Variants in HAL observed in about 807,000 individuals in gnomAD.
HAL encodes histidine ammonia-lyase.
HAL carries 85 observed loss-of-function variants against 81.1 expected under a neutral mutation model. The observed-to-expected ratio is 1.05, with a 90% CI of 0.88 to 1.25. HAL has a LOEUF of 1.25. Among genes scored for constraint, HAL ranks in the 50% most tolerant of loss-of-function variants. The probability of loss-of-function intolerance (pLI) is 0.00; values close to 1 mark genes in which losing one functional copy is unlikely to be tolerated. For synonymous variants in HAL, 301 were observed against 309.2 expected (o/e 0.97, Z 0.28); for missense variants, 798 against 836.6 (o/e 0.95, Z 0.57).
At chr12:95,994,875 C>G in intron 3 of HAL, 50 bp from the exon 4 acceptor site, 2 of 1,610,188 alleles carry the variant, frequency 1.2e-6, no homozygotes, top group Non-Finnish European at 1.7e-6. Flanking sequence ...AACCCCCAGC[C>G]CCACCATCTG....
intron 7 of HAL, 21 bp downstream of exon 7, chr12:95,993,751 A>T (rs750847180): frequency 7.5e-7 from 1 of 1,337,660 alleles, no homozygotes; most frequent in Admixed American, 1.7e-5. Flanking sequence ...GAACGTGAAC[A>T]TATGTGTGTT....
intron 18 of HAL, among the ~76,000 whole-genome samples, chr12:95,977,365 A>G (rs2080733272): frequency 6.7e-6 from 1 of 149,402 alleles, no homozygotes; most frequent in East Asian, 2.0e-4. Context: ...TCCACTTTGA[A>G]TATGTTTTAA....
At chr12:95,991,433 A>G (rs776920038) in intron 9 of HAL, among the ~76,000 whole-genome samples, 23 of 152,222 alleles carry the variant, frequency 1.5e-4, no homozygotes, top group Non-Finnish European at 2.9e-4. Flanking sequence ...GGTGCACCAA[A>G]GCATTAACAA....
At chr12:95,994,761 A>C in intron 4 of HAL, 37 bp downstream of exon 4, 1 of 1,602,472 alleles carries the variant, frequency 6.2e-7, no homozygotes, top group African/African-American at 1.3e-5. Context: ...AAGGGGCCTT[A>C]ATTTTCTGAA....
At chr12:95,984,134 T>TACTA in intron 14 of HAL, 143 bp from the exon 15 acceptor site, 2 of 595,360 alleles carry the variant, frequency 3.4e-6, no homozygotes, top group South Asian at 1.8e-5. Context: ...ATGGAAATTA[T>TACTA]TTGAACTGAA....
Position 95,995,877 on chromosome 12 carries a change from A to G in HAL, c.34T>C (p.Trp12Arg), listed in dbSNP as rs1329872246. Residue 12 changes from tryptophan to arginine, a missense_variant, in exon 2 of 21, where the codon TGG (tryptophan) becomes CGG (arginine). By Grantham distance (101) the Trp-to-Arg change is moderately radical. Transcript: ENST00000261208. ...GCGTCCTGGCAGGGCACTGCCAGCC[A>G]TTCCCCACGTACGTGCACCGTGTAT... ...PRYTVHVRGE[W>R]LAVPCQDAQL... 6.2e-7 allele frequency: 1 copy of G among 1,607,172 alleles called. No individual in the cohort carries two copies. The highest frequency in any genetic ancestry group is 8.5e-7 in the Non-Finnish European group (1 of 1,179,916).
chr12:95,995,082 A>T (rs1478863768), intron 2 of HAL, 89 bp from the exon 3 acceptor site: 1 of 960,290 alleles, frequency 1.0e-6, no homozygotes, highest in Non-Finnish European at 1.7e-6. Context: ...TCATTGGCCC[A>T]TGAATTCTAT....
intron 9 of HAL, 26 bp downstream of exon 9, chr12:95,992,654 T>C (rs1286096449): frequency 6.2e-7 from 1 of 1,602,474 alleles, no homozygotes; most frequent in East Asian, 2.2e-5. Context: ...TCCACAGAGG[T>C]TCCGTCTAGG....
intron 18 of HAL, 69 bp downstream of exon 18, chr12:95,977,875 T>A: frequency 6.5e-7 from 1 of 1,537,488 alleles, no homozygotes; most frequent in Non-Finnish European, 9.0e-7. Context: ...TGGTGGGAGA[T>A]CCCACTTGAG....
intron 20 of HAL, 26 bp from the exon 21 acceptor site, chr12:95,974,398 T>TG: frequency 6.2e-7 from 1 of 1,608,656 alleles, no homozygotes; most frequent in Non-Finnish European, 8.5e-7. Flanking sequence ...AAAACAAAGT[T>TG]GAAATATTGA....
At chr12:95,994,040 C>T (rs1427572518) in intron 5 of HAL, 42 bp from the exon 6 acceptor site, 1 of 1,594,516 alleles carries the variant, frequency 6.3e-7, no homozygotes, top group Non-Finnish European at 8.6e-7. Context: ...TAAAGACTTC[C>T]ACGGGCAACA....
chr12:95,981,133 A>G (rs1450541200), intron 15 of HAL, among the ~76,000 whole-genome samples: 4 of 152,242 alleles, frequency 2.6e-5, no homozygotes, highest in African/African-American at 7.2e-5. Context: ...CTAAAGCACC[A>G]TAACTGTACT....
intron 18 of HAL, among the ~76,000 whole-genome samples, chr12:95,977,164 T>G (rs2080730750): frequency 6.6e-6 from 1 of 152,148 alleles, no homozygotes; most frequent in Non-Finnish European, 1.5e-5. Context: ...TGGTTTCCAA[T>G]TCCATATGAA....
chr12:95,978,431 G>T (rs555162273), intron 17 of HAL, among the ~76,000 whole-genome samples: 1 of 152,144 alleles, frequency 6.6e-6, no homozygotes, highest in Admixed American at 6.5e-5. Flanking sequence ...CGTCAATTTG[G>T]TTGTGTCACC....
chr12:95,995,862 A>G lies in HAL; in HGVS notation c.49T>C (p.Cys17Arg), dbSNP rs1375600575. Residue 17 changes from cysteine (C) to arginine (R), a missense_variant, in exon 2 of 21, where the codon TGC (cysteine) becomes CGC (arginine). Physicochemically the swap from Cys to Arg is radical, Grantham distance 180. Transcript: ENST00000261208. ...CCCACAGTGAGCTGCGCGTCCTGGCAGGGCACTGCCAGCCATTCCCCACGT... is the reference window on the plus strand; with the variant it reads ...CCCACAGTGAGCTGCGCGTCCTGGCGGGGCACTGCCAGCCATTCCCCACGT... Reference protein sequence around the residue: ...HVRGEWLAVPCQDAQLTVGWL... With the variant: ...HVRGEWLAVPRQDAQLTVGWL... 1.2e-6 allele frequency: 2 copies of G among 1,608,886 alleles called. No homozygotes were observed. Among genetic ancestry groups the G allele is most frequent in the South Asian group, 1.1e-5 (1 of 91,080 alleles).
In HAL at chr12:95,974,102, A is replaced by C; in HGVS notation, c.*130T>G. The C allele has an allele frequency of 1.2e-6, 1 of 853,462 alleles. No homozygotes were observed. The highest frequency in any genetic ancestry group is 2.0e-6 in the Non-Finnish European group (1 of 492,340). 52.9% of individuals were successfully genotyped at this position (853,462 alleles called of 1,614,324 possible). ...ATACTGCCATCAGCCTAACCAACGT[A>C]GGCTTTAGAAGAACTGAATGATACA... is the stretch of plus-strand genomic sequence containing the variant. On this transcript the variant is annotated 3_prime_UTR_variant, in exon 21 of 21. Transcript: ENST00000261208.
intron 9 of HAL, among the ~76,000 whole-genome samples, chr12:95,991,218 A>G (rs1949966280): frequency 6.6e-6 from 1 of 152,056 alleles, no homozygotes; most frequent in Non-Finnish European, 1.5e-5. Context: ...TTAGCAATAT[A>G]TCTTGAAGAA....
chr12:95,974,442 TTCATCC>T (rs2080691328), intron 20 of HAL, 70 bp from the exon 21 acceptor site: 1 of 1,393,276 alleles, frequency 7.2e-7, no homozygotes, highest in Admixed American at 1.7e-5. Context: ...AAACATCAAC[TTCATCC>T]GAAGTCAAAA....
intron 3 of HAL, 53 bp from the exon 4 acceptor site, chr12:95,994,878 AC>A: frequency 6.2e-7 from 1 of 1,610,140 alleles, no homozygotes; most frequent in Non-Finnish European, 8.5e-7. Flanking sequence ...CCCCAGCCCC[AC>A]CATCTGCAGG....
Sources: allele counts gnomAD v4.1 joint callset (sites outside exome capture counted in the v4.1 genomes callset), GRCh38; gene constraint gnomAD v4.1.1; transcripts MANE v1.5; gene names NCBI Gene and HGNC (gene_info 2026-07-23, HGNC 2026-07-21).